The following NSMAF variants were observed in gnomAD, a reference collection of about 807,000 sequenced individuals.
NSMAF encodes protein FAN.
Under a neutral mutation model 134.9 loss-of-function variants are expected in NSMAF, and 90 were observed. The ratio of observed to expected loss-of-function variants is 0.67; its 90% confidence interval spans 0.56 to 0.79. NSMAF has a LOEUF of 0.79. Ranked by LOEUF, NSMAF falls within the 30% of genes least tolerant of loss-of-function variation. The probability of loss-of-function intolerance (pLI) is 0.00; values close to 1 mark genes in which losing one functional copy is unlikely to be tolerated. For synonymous variants in NSMAF, 358 were observed against 389.6 expected (o/e 0.92, Z 0.96); for missense variants, 1,010 against 1,119.0 (o/e 0.90, Z 1.39).
At position 58,609,264 on chromosome 8, in the gene NSMAF, A is replaced by G. The variant is rs556662162; in HGVS notation, c.687+340T>C. Among the ~76,000 whole-genome samples the G allele has an allele frequency of 2.0e-5, 3 of 152,364 alleles. No homozygotes were observed. The East Asian group carries it at 5.8e-4, about 29-fold the overall frequency. On this transcript the variant is annotated intron_variant, in intron 10 of 30. Transcript: ENST00000038176. ...TCAAAATCTATTTCTTATTAATCAT[A>G]GTATATTTCACTGGTCTCTAGGAAA... is the stretch of plus-strand genomic sequence containing the variant.
At chr8:58,641,855 G>A (rs1807345723) in intron 2 of NSMAF, among the ~76,000 whole-genome samples, 1 of 152,092 alleles carries the variant, frequency 6.6e-6, no homozygotes, top group African/African-American at 2.4e-5. Context: ...TGCCCTAATA[G>A]TTACTTTAAA....
At chr8:58,654,937 C>T (rs538419155) in intron 1 of NSMAF, among the ~76,000 whole-genome samples, 5 of 152,206 alleles carry the variant, frequency 3.3e-5, no homozygotes, top group Non-Finnish European at 7.4e-5. Context: ...CAAGTTCAAG[C>T]GATTCTCTTG....
intron 12 of NSMAF, among the ~76,000 whole-genome samples, chr8:58,604,868 C>T (rs1205692993): frequency 3.9e-5 from 6 of 152,042 alleles, no homozygotes; most frequent in Admixed American, 2.0e-4. Context: ...TTCAGCCTCT[C>T]GAGTAGCTGG....
At chr8:58,657,457 C>G (rs1807744193) in intron 1 of NSMAF, among the ~76,000 whole-genome samples, 1 of 151,972 alleles carries the variant, frequency 6.6e-6, no homozygotes, top group Admixed American at 6.5e-5. Flanking sequence ...CGAATCCAAT[C>G]CATTTGCTAA....
intron 9 of NSMAF, among the ~76,000 whole-genome samples, chr8:58,614,542 C>T (rs1806611756): frequency 6.6e-6 from 1 of 152,192 alleles, no homozygotes; most frequent in South Asian, 2.1e-4. Context: ...ATGTGCAATC[C>T]TGAGTTATGA....
At position 58,583,597 on chromosome 8, in the gene NSMAF, G is replaced by A. The variant is rs140730866; in HGVS notation, c.*509C>T. 4.2e-4 allele frequency: 68 copies of A among 162,080 alleles called. No individual in the cohort carries two copies. Among genetic ancestry groups the A allele is most frequent in the Middle Eastern group, 6.0e-3 (2 of 334 alleles). The allele number at this position is 162,080 out of a possible 1,614,324, so 10.0% of individuals were successfully genotyped here. On this transcript the variant is annotated 3_prime_UTR_variant, in exon 31 of 31. Coordinates refer to ENST00000038176, the MANE Select transcript of NSMAF (RefSeq NM_003580.4). ...ATACACAGTAAACTTACTAAGAACT[G>A]CTAATCCTTCTCCAGGTTCTTAGAA...
intron 30 of NSMAF, among the ~76,000 whole-genome samples, chr8:58,585,317 G>GTTAT (rs1554572269): frequency 2.3e-4 from 33 of 144,324 alleles, no homozygotes; most frequent in African/African-American, 8.2e-4. Context: ...TTGTTTCTGG[G>GTTAT]TTTTTTTTTT....
At chr8:58,629,871 G>T (rs1800147987) in intron 6 of NSMAF, among the ~76,000 whole-genome samples, 1 of 152,170 alleles carries the variant, frequency 6.6e-6, no homozygotes, top group Non-Finnish European at 1.5e-5. Context: ...TGTACCACAG[G>T]TCCTTTGAAG....
At chr8:58,626,217 G>C (rs902645400) in intron 6 of NSMAF, among the ~76,000 whole-genome samples, 6 of 149,148 alleles carry the variant, frequency 4.0e-5, no homozygotes. Context: ...TCCTGTCTCA[G>C]CCTCCCAAGT....
At chr8:58,656,956 A>T (rs1425515874) in intron 1 of NSMAF, among the ~76,000 whole-genome samples, 1 of 152,230 alleles carries the variant, frequency 6.6e-6, no homozygotes, top group African/African-American at 2.4e-5. Context: ...TATCGCAATT[A>T]CTTATACTAA....
intron 25 of NSMAF, 111 bp from the exon 26 acceptor site, chr8:58,589,686 T>A (rs1292300703): frequency 1.9e-6 from 2 of 1,036,448 alleles, no homozygotes; most frequent in Admixed American, 6.5e-5. Flanking sequence ...TAAGGCTCAC[T>A]AGAATTACAA....
In NSMAF at chr8:58,588,883, C is replaced by T. The variant is rs1805956896; in HGVS notation, c.2211+569G>A. The T allele has an allele frequency of 1.5e-5, 10 of 672,034 alleles. 1 individual carries two copies. In the South Asian group the frequency reaches 1.6e-4, roughly 11 times the overall value. 41.6% of individuals were successfully genotyped at this position (672,034 alleles called of 1,614,324 possible). On this transcript the variant is annotated intron_variant, in intron 26 of 30. Coordinates refer to ENST00000038176, the MANE Select transcript of NSMAF (RefSeq NM_003580.4). ...TACTATACATTTCTTTCTAACTCTG[C>T]TATTGAATGAATGCTAGACCATTCA...
At chr8:58,623,537 G>C (rs1188028907) in intron 7 of NSMAF, 113 bp from the exon 8 acceptor site, 3 of 1,165,884 alleles carry the variant, frequency 2.6e-6, no homozygotes, top group Non-Finnish European at 3.8e-6. Context: ...GATTACTTCT[G>C]ATATACCTAT....
At chr8:58,659,336 T>G in intron 1 of NSMAF, 1 of 1,527,576 alleles carries the variant, frequency 6.5e-7, no homozygotes, top group Non-Finnish European at 8.8e-7. Flanking sequence ...GAATCTGGCC[T>G]GGCCCGTCAT....
At chr8:58,607,888 T>C in intron 10 of NSMAF, 48 bp from the exon 11 acceptor site, 1 of 1,477,134 alleles carries the variant, frequency 6.8e-7, no homozygotes, top group South Asian at 1.1e-5. Flanking sequence ...CTGACACAAT[T>C]AGAAGTTGTT....
At chr8:58,655,210 G>T (rs774277221) in intron 1 of NSMAF, among the ~76,000 whole-genome samples, 3 of 152,014 alleles carry the variant, frequency 2.0e-5, no homozygotes, top group Admixed American at 6.6e-5. Context: ...GAGTTCAAAC[G>T]ATCTTTGTGC....
chr8:58,631,442 AT>A (rs2129145602), intron 6 of NSMAF, 53 bp downstream of exon 6: 1 of 1,076,730 alleles, frequency 9.3e-7, no homozygotes, highest in East Asian at 2.7e-5. Flanking sequence ...ACAAAATTTT[AT>A]TGTTCAAAAT....
At chr8:58,597,927 T>C (rs753457313) in intron 19 of NSMAF, 25 bp from the exon 20 acceptor site, 2 of 1,550,592 alleles carry the variant, frequency 1.3e-6, no homozygotes, top group Admixed American at 1.7e-5. Flanking sequence ...CAAAACACTA[T>C]TGAAAGATGT....
Position 58,601,539 on chromosome 8 carries a change from G to GAAAAA in NSMAF, c.1126-5_1126-4insTTTTT. On this transcript the variant is annotated splice_polypyrimidine_tract_variant and splice_region_variant and intron_variant, in intron 14 of 30. Coordinates refer to ENST00000038176, the MANE Select transcript of NSMAF (RefSeq NM_003580.4). The stretch of plus-strand genomic sequence containing the variant: ...CAGGCATTTCCTGGTAGCGTGTCTA[G>GAAAAA]AATACAGAAAAAAAAAAAAAATAGA... The GAAAAA allele has an allele frequency of 2.4e-6, 3 of 1,275,996 alleles. No homozygotes were observed. Among genetic ancestry groups the GAAAAA allele is most frequent in the South Asian group, 1.6e-5 (1 of 62,016 alleles). 79.0% of individuals were successfully genotyped at this position (1,275,996 alleles called of 1,614,324 possible). A position where few individuals can be genotyped will look rare whatever the true frequency, so the allele number is the denominator to read the frequency against.
Sources: allele counts gnomAD v4.1 joint callset (sites outside exome capture counted in the v4.1 genomes callset), GRCh38; gene constraint gnomAD v4.1.1; transcripts MANE v1.5; gene names NCBI Gene and HGNC (gene_info 2026-07-23, HGNC 2026-07-21).